Variants in NIPAL1 observed in about 807,000 individuals in gnomAD.
The protein encoded by NIPAL1 is NIPA like domain containing 1.
NIPAL1 carries 35 observed loss-of-function variants against 37.7 expected under a neutral mutation model. The observed-to-expected ratio is 0.93, with a 90% CI of 0.71 to 1.23. NIPAL1 has a LOEUF of 1.23. NIPAL1 is among the 50% of genes most tolerant of loss of function. The pLI is 0.00. For synonymous variants in NIPAL1, 162 were observed against 183.0 expected, an observed-to-expected ratio of 0.89 and a Z score of 0.93; for missense variants, 412 against 473.9, an observed-to-expected ratio of 0.87 and a Z score of 1.21.
intron 5 of NIPAL1, 49 bp from the exon 6 acceptor site, chr4:48,035,513 T>G (rs776903252): frequency 6.5e-7 from 1 of 1,549,654 alleles, no homozygotes; most frequent in South Asian, 1.2e-5. Flanking sequence ...CAGAAAGGTA[T>G]AATCCTGTGA....
At chr4:48,029,573 T>A (rs1560324222) in intron 2 of NIPAL1, among the ~76,000 whole-genome samples, 1 of 152,170 alleles carries the variant, frequency 6.6e-6, no homozygotes, top group African/African-American at 2.4e-5. Context: ...GAATCTATTT[T>A]AAAAATCAGG....
rs1336307315 is a variant in NIPAL1, at chr4:48,016,845, G to T, written c.6G>T (p.Gly2=). ...GGAAGCCCGCTCCCGGGGCCATGGG[G>T]GCACAGGTGAGGCTGCCGCCCGGAG... M[G]AQVRLPPGEP... Residue 2 remains glycine (G), a synonymous_variant, in exon 1 of 6, where the codon GGG becomes GGT. Coordinates refer to ENST00000295461, the MANE Select transcript of NIPAL1 (RefSeq NM_207330.3). The T allele has an allele frequency of 1.3e-6, 2 of 1,587,288 alleles. No homozygotes were observed. Among genetic ancestry groups the T allele is most frequent in the Non-Finnish European group, 1.7e-6 (2 of 1,170,414 alleles).
Position 48,034,862 on chromosome 4 carries a change from A to G in NIPAL1, c.462-19A>G. On this transcript the variant is annotated intron_variant, in intron 4 of 5. Transcript: ENST00000295461. ...GGTAATTGAGCTATAGTGATTTTTA[A>G]TTTTTTCTCTCCCAACAGTGCAATA... 6.2e-7 allele frequency: 1 copy of G among 1,601,712 alleles called. No individual in the cohort carries two copies. Among genetic ancestry groups the G allele is most frequent in the Non-Finnish European group, 8.5e-7 (1 of 1,171,232 alleles).
At position 48,025,135 on chromosome 4, in the gene NIPAL1, G is replaced by C. The variant is rs751028641; in HGVS notation, c.114G>C (p.Gln38His). The C allele has an allele frequency of 6.2e-7, 1 of 1,613,726 alleles. No individual in the cohort carries two copies. The highest frequency in any genetic ancestry group is 2.2e-5 in the East Asian group (1 of 44,860). ...QAWCEITNVS[Q>H]LLASPVLYTD... ...GGTGTGAGATCACAAATGTGTCACA[G>C]CTGCTGGCTTCTCCTGTGCTCTACA... The change falls in exon 2 of 6, where the codon CAG becomes CAC. Residue 38 changes from glutamine (Q) to histidine (H), a missense_variant. Physicochemically the swap from Gln to His is conservative, Grantham distance 24. Transcript: ENST00000295461.
intron 1 of NIPAL1, among the ~76,000 whole-genome samples, chr4:48,018,999 T>G (rs1715514180): frequency 6.6e-6 from 1 of 152,172 alleles, no homozygotes; most frequent in African/African-American, 2.4e-5. Context: ...GAAGAAAAAG[T>G]TAATTTCATA....
At position 48,038,774 on chromosome 4, in the gene NIPAL1, C is replaced by T. The variant is rs6832090; in HGVS notation, c.*2602C>T. On this transcript the variant is annotated 3_prime_UTR_variant, in exon 6 of 6. Transcript: ENST00000295461. ...GGACTCTGGTGATTCTGTGTTCTGGCGAATTTAAGTTTCAGACATTTCTTT... is the reference window on the plus strand; with the variant it reads ...GGACTCTGGTGATTCTGTGTTCTGGTGAATTTAAGTTTCAGACATTTCTTT... The T allele has an allele frequency of 0.96, 146,814 of 152,234 alleles. 71,029 individuals are homozygous for T. Among genetic ancestry groups the T allele is most frequent in the Middle Eastern group, 1 (294 of 294 alleles). The allele number at this position is 152,234 out of a possible 1,614,324, so 9.4% of individuals were successfully genotyped here. A position where few individuals can be genotyped will look rare whatever the true frequency, so the allele number is the denominator to read the frequency against.
In NIPAL1 at chr4:48,027,421, T is replaced by C. The variant is rs1416050941; in HGVS notation, c.313+2087T>C. ...AACATAATTCCAACTTAGTTATTTGTAAATGTAATGACCAATAAACATACA... is the reference window on the plus strand; with the variant it reads ...AACATAATTCCAACTTAGTTATTTGCAAATGTAATGACCAATAAACATACA... On this transcript the variant is annotated intron_variant, in intron 2 of 5. Transcript: ENST00000295461. The surrounding 1 kb of genome is among the most constrained non-coding windows in gnomAD (Gnocchi z 4.1). Among the ~76,000 whole-genome samples, 1 of 152,104 alleles carries C rather than the reference T, an allele frequency of 6.6e-6. No homozygotes were observed. Among genetic ancestry groups the C allele is most frequent in the African/African-American group, 2.4e-5 (1 of 41,410 alleles).
chr4:48,018,329 T>C (rs1715495832), intron 1 of NIPAL1, among the ~76,000 whole-genome samples: 2 of 152,212 alleles, frequency 1.3e-5, no homozygotes, highest in Admixed American at 1.3e-4. Context: ...TGTTTGAGCT[T>C]CTGGATGTTT....
At position 48,036,687 on chromosome 4, in the gene NIPAL1, G is replaced by T; in HGVS notation, c.*515G>T. ...TCACACCTGTAATCCTAGCAGTTTG[G>T]GAGGCCAAGGCGGACAGATCACTTG... On this transcript the variant is annotated 3_prime_UTR_variant, in exon 6 of 6. Coordinates refer to ENST00000295461, the MANE Select transcript of NIPAL1 (RefSeq NM_207330.3). 6.5e-6 allele frequency: 1 copy of T among 154,186 alleles called. No homozygotes were observed. Among genetic ancestry groups the T allele is most frequent in the African/African-American group, 2.4e-5 (1 of 41,592 alleles). 9.6% of individuals were successfully genotyped at this position (154,186 alleles called of 1,614,324 possible). A position where few individuals can be genotyped will look rare whatever the true frequency, so the allele number is the denominator to read the frequency against.
chr4:48,035,886 C>G lies in NIPAL1; in HGVS notation c.947C>G (p.Ser316Cys), dbSNP rs781717907. Residue 316 changes from serine (S) to cysteine (C), a missense_variant, in exon 6 of 6, where the codon TCC becomes TGC. Ser to Cys is a moderately radical substitution (Grantham distance 112). Transcript: ENST00000295461. ...CCCATTTATTATGTATTCTTCACAT[C>G]CATGGTAGTGACTTGCTCTGCCATC... ...VTPIYYVFFT[S>C]MVVTCSAILF... 1.1e-5 allele frequency: 18 copies of G among 1,613,914 alleles called. No homozygotes were observed. Among genetic ancestry groups the G allele is most frequent in the Non-Finnish European group, 1.5e-5 (18 of 1,179,836 alleles).
At chr4:48,019,649 G>A (rs1298812254) in intron 1 of NIPAL1, among the ~76,000 whole-genome samples, 1 of 152,178 alleles carries the variant, frequency 6.6e-6, no homozygotes, top group Non-Finnish European at 1.5e-5. Flanking sequence ...CAGAAGAAAA[G>A]GCAATAGTAG....
chr4:48,020,471 G>T (rs906799677), intron 1 of NIPAL1, among the ~76,000 whole-genome samples: 3 of 152,110 alleles, frequency 2.0e-5, no homozygotes, highest in African/African-American at 7.2e-5. Context: ...TAGGTTTCTA[G>T]GTCAGCTGAA....
intron 1 of NIPAL1, among the ~76,000 whole-genome samples, chr4:48,022,686 A>G (rs1715598152): frequency 6.6e-6 from 1 of 152,234 alleles, no homozygotes; most frequent in African/African-American, 2.4e-5. Context: ...AAATTCTTAC[A>G]AAAATATACT....
Position 48,025,282 on chromosome 4 carries a change from A to G in NIPAL1, c.261A>G (p.Ile87Met). The G allele has an allele frequency of 6.2e-7, 1 of 1,614,216 alleles. No homozygotes were observed. Among genetic ancestry groups the G allele is most frequent in the South Asian group, 1.1e-5 (1 of 91,084 alleles). Reference protein sequence around the residue: ...SSSIFIGSSFILKKKGLLQLA... With the variant: ...SSSIFIGSSFMLKKKGLLQLA... ...GTATTTTTATTGGCTCCAGCTTCATACTGAAAAAGAAGGGCCTCTTGCAAC... is the reference window on the plus strand; with the variant it reads ...GTATTTTTATTGGCTCCAGCTTCATGCTGAAAAAGAAGGGCCTCTTGCAAC... Residue 87 changes from isoleucine to methionine, a missense_variant, in exon 2 of 6, where the codon ATA becomes ATG. Coordinates refer to ENST00000295461, the MANE Select transcript of NIPAL1 (RefSeq NM_207330.3).
intron 2 of NIPAL1, among the ~76,000 whole-genome samples, chr4:48,028,030 G>A (rs1715729120): frequency 6.6e-6 from 1 of 152,108 alleles, no homozygotes; most frequent in African/African-American, 2.4e-5. Flanking sequence ...GGTGAACCTG[G>A]TGATTAAATA....
In NIPAL1 at chr4:48,025,135, G is replaced by A. The variant is rs751028641; in HGVS notation, c.114G>A (p.Gln38=). 1.2e-6 allele frequency: 2 copies of A among 1,613,608 alleles called. No individual in the cohort carries two copies. The highest frequency in any genetic ancestry group is 1.3e-5 in the African/African-American group (1 of 74,850). ...GGTGTGAGATCACAAATGTGTCACA[G>A]CTGCTGGCTTCTCCTGTGCTCTACA... ...QAWCEITNVS[Q]LLASPVLYTD... The change falls in exon 2 of 6, where the codon CAG becomes CAA. Residue 38 remains glutamine, a synonymous_variant. Transcript: ENST00000295461.
intron 1 of NIPAL1, among the ~76,000 whole-genome samples, chr4:48,017,296 G>A (rs1715444767): frequency 6.6e-6 from 1 of 152,194 alleles, no homozygotes; most frequent in Non-Finnish European, 1.5e-5. Flanking sequence ...CAGAGGGCGT[G>A]TCTGCCTGGG....
Position 48,016,793 on chromosome 4 carries a change from C to T in NIPAL1, c.-47C>T. Reference sequence around the variant, plus strand: ...CGCCGCGGGTGCGTGTGGAGAGGCCCAGGTGAGGAGCAAGCGCCCGCGTTC... The same window carrying T: ...CGCCGCGGGTGCGTGTGGAGAGGCCTAGGTGAGGAGCAAGCGCCCGCGTTC... On this transcript the variant is annotated 5_prime_UTR_variant, in exon 1 of 6. Transcript: ENST00000295461. The T allele has an allele frequency of 6.5e-7, 1 of 1,536,024 alleles. No individual in the cohort carries two copies. The highest frequency in any genetic ancestry group is 1.2e-5 in the South Asian group (1 of 84,230).
Position 48,016,891 on chromosome 4 carries a change from T to C in NIPAL1, c.46+6T>C. On this transcript the variant is annotated splice_donor_region_variant and intron_variant, in intron 1 of 5. Coordinates refer to ENST00000295461, the MANE Select transcript of NIPAL1 (RefSeq NM_207330.3). ...CGGAGAGCCCTGCCGAGAAGGTTTGTGTCTGCCCTGAGCCGAGGGACCTGG... is the reference window on the plus strand; with the variant it reads ...CGGAGAGCCCTGCCGAGAAGGTTTGCGTCTGCCCTGAGCCGAGGGACCTGG... The C allele has an allele frequency of 6.3e-7, 1 of 1,596,772 alleles. No homozygotes were observed. Among genetic ancestry groups the C allele is most frequent in the Admixed American group, 1.7e-5 (1 of 58,328 alleles).
Sources: allele counts gnomAD v4.1 joint callset (sites outside exome capture counted in the v4.1 genomes callset), GRCh38; gene constraint gnomAD v4.1.1; non-coding constraint Gnocchi (gnomAD v3.1); transcripts MANE v1.5; gene names NCBI Gene and HGNC (gene_info 2026-07-23, HGNC 2026-07-21).